Variants in OLA1 observed in about 807,000 individuals in gnomAD.
OLA1 encodes the protein obg-like ATPase 1.
A neutral mutation model predicts 48.4 loss-of-function variants in OLA1; 14 were observed. The observed-to-expected ratio is 0.29, with a 90% CI of 0.19 to 0.45. The LOEUF is 0.45. Among genes scored for constraint, OLA1 ranks in the 20% least tolerant of loss-of-function variants. The pLI is 1.00. For missense variants in OLA1, 325 were observed against 467.1 expected, an observed-to-expected ratio of 0.70 and a Z score of 2.80; for synonymous variants, 127 against 150.4, an observed-to-expected ratio of 0.84 and a Z score of 1.14.
chr2:174,137,020 A>G (rs1686326048), intron 5 of OLA1, among the ~76,000 whole-genome samples: 2 of 152,144 alleles, frequency 1.3e-5, no homozygotes, highest in Non-Finnish European at 2.9e-5. Context: ...AAGGTTTTCA[A>G]TTTATTATGC....
At chr2:174,205,365 T>TC (rs1688087796) in intron 4 of OLA1, among the ~76,000 whole-genome samples, 1 of 102,962 alleles carries the variant, frequency 9.7e-6, no homozygotes, top group African/African-American at 3.8e-5. Context: ...CCTAATACTT[T>TC]TAAATATACT....
intron 7 of OLA1, among the ~76,000 whole-genome samples, chr2:174,109,282 C>G (rs12464592): frequency 0.12 from 18,527 of 152,054 alleles, 1,428 homozygotes; most frequent in East Asian, 0.21. Context: ...GACAAAACTT[C>G]CCAGTCTACC....
At chr2:174,184,342 C>T (rs1574535254) in intron 4 of OLA1, among the ~76,000 whole-genome samples, 2 of 152,142 alleles carry the variant, frequency 1.3e-5, no homozygotes, top group Admixed American at 1.3e-4. Context: ...GTGAAGTATA[C>T]TTTACCTCTA....
chr2:174,181,128 T>TA (rs200932378), intron 4 of OLA1, among the ~76,000 whole-genome samples: 33 of 150,884 alleles, frequency 2.2e-4, no homozygotes, highest in East Asian at 1.6e-3. Flanking sequence ...AAACAAATAA[T>TA]AAAAAAAAAC....
Position 174,247,889 on chromosome 2 carries a change from C to A in OLA1, c.-1+563G>T. On this transcript the variant is annotated intron_variant, in intron 1 of 10. Coordinates refer to ENST00000284719, the MANE Select transcript of OLA1 (RefSeq NM_013341.5). ...CAGAATTACTCCCACCCTTGGACTG[C>A]AAAGTGAAATCACAAAGACCGCTAA... is the stretch of plus-strand genomic sequence containing the variant. 4 of 1,233,192 alleles carry A rather than the reference C, an allele frequency of 3.2e-6. No individual in the cohort carries two copies. The Admixed American group carries it at 7.2e-5, about 22-fold the overall frequency. The allele number at this position is 1,233,192 out of a possible 1,614,324, so 76.4% of individuals were successfully genotyped here. A position where few individuals can be genotyped will look rare whatever the true frequency, so the allele number is the denominator to read the frequency against.
chr2:174,236,579 T>A (rs1688855833), intron 2 of OLA1, among the ~76,000 whole-genome samples: 1 of 152,170 alleles, frequency 6.6e-6, no homozygotes, highest in South Asian at 2.1e-4. Flanking sequence ...CATACATCGC[T>A]TAATGATGGA....
chr2:174,236,381 A>C (rs75395586), intron 2 of OLA1, among the ~76,000 whole-genome samples: 2 of 152,194 alleles, frequency 1.3e-5, no homozygotes, highest in African/African-American at 4.8e-5. Context: ...ACAATATTTG[A>C]AATAAAATGA....
chr2:174,154,550 C>CCT (rs79895698), intron 4 of OLA1, among the ~76,000 whole-genome samples: 127,398 of 148,872 alleles, frequency 0.86, 55,236 homozygotes, highest in East Asian at 0.99. Flanking sequence ...TTTAGTTTCC[C>CCT]CATTTACAAG....
chr2:174,135,625 A>G (rs1185952772), intron 5 of OLA1, among the ~76,000 whole-genome samples: 2 of 152,164 alleles, frequency 1.3e-5, no homozygotes, highest in Non-Finnish European at 2.9e-5. Flanking sequence ...CTGTTAAACA[A>G]TTTGGTTCCA....
intron 4 of OLA1, among the ~76,000 whole-genome samples, chr2:174,142,657 T>C (rs1291257076): frequency 6.6e-6 from 1 of 152,162 alleles, no homozygotes; most frequent in Non-Finnish European, 1.5e-5. Context: ...TAAAGTGCAG[T>C]TGAAGCCATA....
intron 4 of OLA1, among the ~76,000 whole-genome samples, chr2:174,174,394 T>C (rs1269005053): frequency 6.6e-6 from 1 of 151,932 alleles, no homozygotes; most frequent in East Asian, 1.9e-4. Flanking sequence ...TCTATGTAAT[T>C]TACCATATTA....
chr2:174,092,678 G>A (rs1217431697), intron 7 of OLA1, among the ~76,000 whole-genome samples: 1 of 152,044 alleles, frequency 6.6e-6, no homozygotes, highest in Non-Finnish European at 1.5e-5. Context: ...AACATTCAGA[G>A]AAGCATGTAT....
chr2:174,243,447 CCTT>C (rs1243056632), intron 2 of OLA1, among the ~76,000 whole-genome samples: 1 of 152,110 alleles, frequency 6.6e-6, no homozygotes, highest in Admixed American at 6.6e-5. Context: ...AAACATGTCT[CCTT>C]ATCACTAAAT....
chr2:174,098,048 G>A (rs1241607202), intron 7 of OLA1, among the ~76,000 whole-genome samples: 1 of 151,766 alleles, frequency 6.6e-6, no homozygotes, highest in African/African-American at 2.4e-5. Flanking sequence ...TAGAGAAAAG[G>A]AATTTGAGCA....
intron 7 of OLA1, among the ~76,000 whole-genome samples, chr2:174,098,043 A>G (rs962821023): frequency 2.0e-5 from 3 of 152,016 alleles, no homozygotes; most frequent in East Asian, 3.8e-4. Flanking sequence ...ATCTTTAGAG[A>G]AAAGGAATTT....
At chr2:174,134,094 G>A (rs191010403) in intron 5 of OLA1, among the ~76,000 whole-genome samples, 1 of 152,310 alleles carries the variant, frequency 6.6e-6, no homozygotes, top group East Asian at 1.9e-4. Context: ...CATGCACATT[G>A]TAGTATCAGT....
Position 174,087,096 on chromosome 2 carries a change from G to A in OLA1, c.729-5032C>T, listed in dbSNP as rs150525971. Among the ~76,000 whole-genome samples, 1,271 of 148,362 alleles carry A rather than the reference G, an allele frequency of 8.6e-3. 13 individuals carry two copies. The highest frequency in any genetic ancestry group is 0.03 in the African/African-American group (1,195 of 40,184). ...GGCTGGAGTGCAGTGGTGTGATCTC[G>A]GCTCACTGCAACCTCTGCCTCCCAG... is the stretch of plus-strand genomic sequence containing the variant. On this transcript the variant is annotated intron_variant, in intron 7 of 10. Transcript: ENST00000284719.
intron 7 of OLA1, among the ~76,000 whole-genome samples, chr2:174,100,780 CAAAGATATGGAACA>C (rs974401843): frequency 4.6e-5 from 7 of 152,184 alleles, no homozygotes; most frequent in Admixed American, 1.3e-4. Flanking sequence ...TATCCCCCCA[CAAAGATATGGAACA>C]TTTCCACAGA....
Position 174,131,956 on chromosome 2 carries a change from T to C in OLA1, c.550-8281A>G, listed in dbSNP as rs1209749343. Among the ~76,000 whole-genome samples, 3 of 152,100 alleles carry C rather than the reference T, an allele frequency of 2.0e-5. No individual in the cohort carries two copies. The South Asian group carries it at 6.2e-4, about 31-fold the overall frequency. ...TTTTCTACTGTATGGAAGAGTGTGATTGAGACTTTACATGTATAGTAAAGT... is the reference window on the plus strand; with the variant it reads ...TTTTCTACTGTATGGAAGAGTGTGACTGAGACTTTACATGTATAGTAAAGT... On this transcript the variant is annotated intron_variant, in intron 5 of 10. Transcript: ENST00000284719.
Sources: allele counts gnomAD v4.1 joint callset (sites outside exome capture counted in the v4.1 genomes callset), GRCh38; gene constraint gnomAD v4.1.1; transcripts MANE v1.5; gene names NCBI Gene and HGNC (gene_info 2026-07-23, HGNC 2026-07-21).